The following PTPRD variants were observed in gnomAD, a reference collection of about 807,000 sequenced individuals.
The protein encoded by PTPRD is protein tyrosine phosphatase receptor type D, also known as receptor-type tyrosine-protein phosphatase delta.
A neutral mutation model predicts 214.5 loss-of-function variants in PTPRD; 34 were observed. The observed-to-expected ratio is 0.16, with a 90% CI of 0.12 to 0.21. PTPRD has a LOEUF of 0.21. Among genes scored for constraint, PTPRD ranks in the 10% least tolerant of loss-of-function variants. The pLI is 1.00. For synonymous variants in PTPRD, 1,128 were observed against 845.7 expected (o/e 1.33, Z -5.79); for missense variants, 2,545 against 2,398.7 (o/e 1.06, Z -1.27).
intron 14 of PTPRD, among the ~76,000 whole-genome samples, chr9:8,604,190 G>A (rs1016086395): frequency 1.3e-5 from 2 of 152,206 alleles, no homozygotes; most frequent in East Asian, 3.9e-4. Flanking sequence ...CCCAGGAGAG[G>A]AGGGGAGACC....
At chr9:9,916,494 T>A (rs2080849855) in intron 5 of PTPRD, among the ~76,000 whole-genome samples, 1 of 151,912 alleles carries the variant, frequency 6.6e-6, no homozygotes, top group Non-Finnish European at 1.5e-5. Context: ...AGATATAAAT[T>A]GGTTGAATAG....
chr9:8,499,771 C>A lies in PTPRD; in HGVS notation c.2198G>T (p.Arg733Leu), dbSNP rs748340591. The part of the protein sequence containing the change: ...VNSTSVKVSW[R>L]SPVPNKQHGQ... ...ATGCTGTTTATTGGGCACGGGTGAG[C>A]GCCATGAGACTTTAACAGATGTTGA... is the stretch of plus-strand genomic sequence containing the variant. The change falls in exon 25 of 46, where the codon CGC (arginine) becomes CTC (leucine). Residue 733 changes from arginine to leucine, a missense_variant. Transcript: ENST00000381196. 3.1e-6 allele frequency: 5 copies of A among 1,613,984 alleles called. No homozygotes were observed. The highest frequency in any genetic ancestry group is 2.2e-5 in the East Asian group (1 of 44,866).
Position 9,231,063 on chromosome 9 carries a change from G to C in PTPRD, c.-202-47700C>G, listed in dbSNP as rs778725022. Among the ~76,000 whole-genome samples the C allele has an allele frequency of 4.6e-5, 7 of 151,984 alleles. No homozygotes were observed. The South Asian group carries it at 1.2e-3, about 27-fold the overall frequency. On this transcript the variant is annotated intron_variant, in intron 9 of 45. Coordinates refer to ENST00000381196, the MANE Select transcript of PTPRD (RefSeq NM_002839.4). Reference sequence around the variant, plus strand: ...TCTGTGTATGTCTGTCGGGGGGAGGGGGGAATGGGTGTTCTAACAAGTTAG... The same window carrying C: ...TCTGTGTATGTCTGTCGGGGGGAGGCGGGAATGGGTGTTCTAACAAGTTAG...
chr9:10,060,776 T>TTTTCTTTCTTTCTTTC (rs759874831), intron 3 of PTPRD, among the ~76,000 whole-genome samples: 7 of 132,144 alleles, frequency 5.3e-5, no homozygotes, highest in African/African-American at 2.4e-4. Context: ...CAGGTCTTGC[T>TTTTCTTTCTTTCTTTC]TTTCTTTCTT....
At chr9:8,799,662 A>G (rs2154516855) in intron 11 of PTPRD, among the ~76,000 whole-genome samples, 1 of 152,294 alleles carries the variant, frequency 6.6e-6, no homozygotes, top group South Asian at 2.1e-4. Flanking sequence ...TGCCTTCCTT[A>G]ATAAAGATGG....
chr9:9,088,928 A>C (rs947963798), intron 10 of PTPRD, among the ~76,000 whole-genome samples: 6 of 152,200 alleles, frequency 3.9e-5, no homozygotes, highest in Admixed American at 2.0e-4. Context: ...AAATGAGTAA[A>C]TATTGTAAAA....
chr9:9,711,106 A>G (rs943246820), intron 7 of PTPRD, among the ~76,000 whole-genome samples: 1 of 152,184 alleles, frequency 6.6e-6, no homozygotes, highest in African/African-American at 2.4e-5. Flanking sequence ...GCGAGACCCT[A>G]AACTGTAATA....
intron 7 of PTPRD, among the ~76,000 whole-genome samples, chr9:9,623,753 G>A (rs2095326035): frequency 4.6e-5 from 7 of 152,150 alleles, no homozygotes; most frequent in Admixed American, 4.6e-4. Context: ...ATATACTAAA[G>A]CTTGAAAAGC....
At chr9:9,252,204 A>G (rs541744709) in intron 9 of PTPRD, among the ~76,000 whole-genome samples, 29 of 152,164 alleles carry the variant, frequency 1.9e-4, no homozygotes, top group Admixed American at 1.8e-3. Context: ...ACAGCTGACA[A>G]AGAAGAAGCT....
intron 9 of PTPRD, among the ~76,000 whole-genome samples, chr9:9,358,903 A>G (rs1350873703): frequency 6.6e-6 from 1 of 151,286 alleles, no homozygotes; most frequent in Non-Finnish European, 1.5e-5. Context: ...GATTGCATCC[A>G]ACCTTACTGT....
At chr9:9,643,490 A>G (rs757711259) in intron 7 of PTPRD, among the ~76,000 whole-genome samples, 5 of 152,144 alleles carry the variant, frequency 3.3e-5, no homozygotes, top group Non-Finnish European at 5.9e-5. Flanking sequence ...AGTGAATCCA[A>G]GAAAGTATTT....
chr9:9,532,034 T>A (rs2075589697), intron 8 of PTPRD, among the ~76,000 whole-genome samples: 1 of 152,030 alleles, frequency 6.6e-6, no homozygotes, highest in South Asian at 2.1e-4. Context: ...AACCACCATA[T>A]GACAGATTCC....
intron 5 of PTPRD, among the ~76,000 whole-genome samples, chr9:9,793,668 T>A (rs114915738): frequency 0.012 from 1,895 of 152,154 alleles, 44 homozygotes; most frequent in African/African-American, 0.044. Flanking sequence ...TTCAGTATTT[T>A]CAAAGGTTTC....
intron 2 of PTPRD, among the ~76,000 whole-genome samples, chr9:10,378,911 C>T (rs982922613): frequency 6.6e-5 from 10 of 151,854 alleles, no homozygotes; most frequent in East Asian, 1.9e-4. Flanking sequence ...TTGGGTAGTA[C>T]GGACATTTTA....
At chr9:10,360,964 T>A (rs533845290) in intron 2 of PTPRD, among the ~76,000 whole-genome samples, 3 of 151,712 alleles carry the variant, frequency 2.0e-5, no homozygotes, top group African/African-American at 4.8e-5. Flanking sequence ...TAGCCGGGCG[T>A]GGTGCCGGGC....
At chr9:9,215,755 A>G (rs2099951743) in intron 9 of PTPRD, among the ~76,000 whole-genome samples, 1 of 152,200 alleles carries the variant, frequency 6.6e-6, no homozygotes, top group South Asian at 2.1e-4. Flanking sequence ...ATTCCATCGT[A>G]CATTGATTCA....
rs2095677307 is a variant in PTPRD at position 8,781,146 on chromosome 9, G to C, written c.-103-47200C>G. 2.0e-5 allele frequency among the ~76,000 whole-genome samples: 3 copies of C among 152,254 alleles called. No individual in the cohort carries two copies. The South Asian group carries it at 6.2e-4, about 32-fold the overall frequency. ...ATTCTGCAGTTTATGACCAGCAAAA[G>C]GCTTTGCCTTGGTACCACTTCAAGA... is the stretch of plus-strand genomic sequence containing the variant. On this transcript the variant is annotated intron_variant, in intron 11 of 45. Transcript: ENST00000381196.
At chr9:9,724,640 A>G (rs1395155924) in intron 7 of PTPRD, among the ~76,000 whole-genome samples, 1 of 152,228 alleles carries the variant, frequency 6.6e-6, no homozygotes, top group Non-Finnish European at 1.5e-5. Context: ...CCAGTTGAAG[A>G]AAGCATTAGA....
Position 9,601,148 on chromosome 9 carries a change from TG to T in PTPRD, c.-286-26368del, listed in dbSNP as rs1563977128. ...GTGTGTGTGTGTGTGTGTGTGTGTGTGTATGGGGGGGGGAGAGTGGGGAGAG... is the reference window on the plus strand; with the variant it reads ...GTGTGTGTGTGTGTGTGTGTGTGTGTTATGGGGGGGGGAGAGTGGGGAGAG... On this transcript the variant is annotated intron_variant, in intron 7 of 45. Transcript: ENST00000381196. Among the ~76,000 whole-genome samples the T allele has an allele frequency of 5.6e-3, 527 of 94,158 alleles. 5 individuals are homozygous for T. The highest frequency in any genetic ancestry group is 0.025 in the African/African-American group (483 of 19,378). 61.8% of individuals were successfully genotyped at this position (94,158 alleles called of 152,430 possible). A position where few individuals can be genotyped will look rare whatever the true frequency, so the allele number is the denominator to read the frequency against.
Sources: gnomAD v4.1 joint callset for allele counts (sites outside exome capture counted in the v4.1 genomes callset) on GRCh38, gnomAD v4.1.1 for gene constraint, MANE v1.5 for transcripts, NCBI Gene and HGNC (gene_info 2026-07-23, HGNC 2026-07-21) for gene names.